Variants in GINM1 observed in about 807,000 individuals in gnomAD.
GINM1 encodes glycoprotein integral membrane protein 1.
A neutral mutation model predicts 37.8 loss-of-function variants in GINM1; 29 were observed. The observed-to-expected ratio is 0.77, with a 90% CI of 0.57 to 1.05. The LOEUF is 1.05. Ranked by LOEUF, GINM1 falls within the 50% of genes least tolerant of loss-of-function variation. The probability of loss-of-function intolerance (pLI) is 0.00; values close to 1 mark genes in which losing one functional copy is unlikely to be tolerated. For missense variants in GINM1, 377 were observed against 397.9 expected (o/e 0.95, Z 0.45); for synonymous variants, 143 against 146.2 (o/e 0.98, Z 0.16).
rs979781668 is a variant in GINM1 at position 149,578,704 on chromosome 6, C to A, written c.278-118C>A. On this transcript the variant is annotated intron_variant, in intron 3 of 7. Coordinates refer to ENST00000367419, the MANE Select transcript of GINM1 (RefSeq NM_138785.5). Reference sequence around the variant, plus strand: ...GCATTGAGGTCAGGGATGAAGAAAGCCAAAGAAATGGGTTTTCAACTGTCT... The same window carrying A: ...GCATTGAGGTCAGGGATGAAGAAAGACAAAGAAATGGGTTTTCAACTGTCT... 4 of 638,790 alleles carry A rather than the reference C, an allele frequency of 6.3e-6. No homozygotes were observed. In the Admixed American group the frequency reaches 1.0e-4, roughly 16 times the overall value. The allele number at this position is 638,790 out of a possible 1,614,324, so 39.6% of individuals were successfully genotyped here. A position where few individuals can be genotyped will look rare whatever the true frequency, so the allele number is the denominator to read the frequency against.
At chr6:149,570,135 T>TA (rs1777788904) in intron 1 of GINM1, among the ~76,000 whole-genome samples, 1 of 75,782 alleles carries the variant, frequency 1.3e-5, no homozygotes, top group African/African-American at 7.4e-5. Context: ...CTAGGTAGGT[T>TA]TTATATATAT....
chr6:149,579,085 A>C (rs1777959740), intron 4 of GINM1, 112 bp downstream of exon 4: 1 of 563,398 alleles, frequency 1.8e-6, no homozygotes, highest in South Asian at 3.9e-5. Context: ...GAAGGTGCCT[A>C]ATGTTGCCTA....
intron 3 of GINM1, among the ~76,000 whole-genome samples, chr6:149,573,380 A>C (rs1014580119): frequency 6.6e-6 from 1 of 152,136 alleles, no homozygotes; most frequent in African/African-American, 2.4e-5. Flanking sequence ...AGTGAGCTAT[A>C]ATCATGCCAC....
In GINM1 at chr6:149,566,569, A is replaced by T; in HGVS notation, c.120+35A>T. 6.9e-7 allele frequency: 1 copy of T among 1,455,670 alleles called. No homozygotes were observed. The highest frequency in any genetic ancestry group is 1.3e-5 in the South Asian group (1 of 75,870). 90.2% of individuals were successfully genotyped at this position (1,455,670 alleles called of 1,614,324 possible). ...GGCGGGCCTGGCTGGCCGCTTTACG[A>T]CTCCGACTCTCCGGGAGGCCCGGGC... On this transcript the variant is annotated intron_variant, in intron 1 of 7. Transcript: ENST00000367419. The surrounding 1 kb of genome is among the most constrained non-coding windows in gnomAD (Gnocchi z 4.4).
chr6:149,575,834 T>C (rs1777906104), intron 3 of GINM1, among the ~76,000 whole-genome samples: 1 of 152,158 alleles, frequency 6.6e-6, no homozygotes, highest in South Asian at 2.1e-4. Context: ...ATACAGCCTG[T>C]CTCCTCTCTT....
At chr6:149,572,016 G>T (rs1777830789) in intron 1 of GINM1, among the ~76,000 whole-genome samples, 1 of 152,090 alleles carries the variant, frequency 6.6e-6, no homozygotes, top group Non-Finnish European at 1.5e-5. Context: ...AGGAGATGGA[G>T]ATTGCAGTGA....
At position 149,579,712 on chromosome 6, in the gene GINM1, A is replaced by G. The variant is rs943867494; in HGVS notation, c.430-122A>G. ...CTCCATCTCAAAAAAAAAAAAAAAG[A>G]GTAATTGTCTGAATAGGACACATGT... On this transcript the variant is annotated intron_variant, in intron 4 of 7. Transcript: ENST00000367419. The G allele has an allele frequency of 1.5e-5, 8 of 522,292 alleles. No individual in the cohort carries two copies. The African/African-American group carries it at 1.6e-4, about 10-fold the overall frequency. The allele number at this position is 522,292 out of a possible 1,614,324, so 32.4% of individuals were successfully genotyped here. A position where few individuals can be genotyped will look rare whatever the true frequency, so the allele number is the denominator to read the frequency against.
chr6:149,579,787 G>T lies in GINM1; in HGVS notation c.430-47G>T, dbSNP rs546618392. ...AAATTTGCTTTTAAATTTTTATGGG[G>T]CTGTGCTACTATTTAAAATAAAGAA... is the stretch of plus-strand genomic sequence containing the variant. On this transcript the variant is annotated intron_variant, in intron 4 of 7. Transcript: ENST00000367419. 1.5e-5 allele frequency: 18 copies of T among 1,228,744 alleles called. No individual in the cohort carries two copies. In the African/African-American group the frequency reaches 2.5e-4, roughly 17 times the overall value. 76.1% of individuals were successfully genotyped at this position (1,228,744 alleles called of 1,614,324 possible).
intron 1 of GINM1, among the ~76,000 whole-genome samples, chr6:149,570,146 A>T (rs1220418327): frequency 2.4e-4 from 2 of 8,392 alleles, no homozygotes; most frequent in Non-Finnish European, 5.8e-4. Flanking sequence ...TTATATATAT[A>T]TATATATATA....
intron 6 of GINM1, 114 bp from the exon 7 acceptor site, chr6:149,582,326 C>T: frequency 1.1e-6 from 1 of 885,766 alleles, no homozygotes. Context: ...TAACTACCAG[C>T]ACAATCAAAA....
Position 149,566,411 on chromosome 6 carries a change from C to G in GINM1, c.-4C>G. On this transcript the variant is annotated 5_prime_UTR_variant, in exon 1 of 8. Coordinates refer to ENST00000367419, the MANE Select transcript of GINM1 (RefSeq NM_138785.5). This position sits in a 1 kb window ranked among gnomAD's most constrained non-coding sequence, Gnocchi z 4.4. Reference sequence around the variant, plus strand: ...GCGGCTGCCCTCTGCCCGGGTTGTCCAAGATGGAGGGCGCTCCACCGGGGT... The same window carrying G: ...GCGGCTGCCCTCTGCCCGGGTTGTCGAAGATGGAGGGCGCTCCACCGGGGT... 2.6e-6 allele frequency: 4 copies of G among 1,566,168 alleles called. No homozygotes were observed. Among genetic ancestry groups the G allele is most frequent in the East Asian group, 2.4e-5 (1 of 41,320 alleles).
chr6:149,581,239 T>C (rs1446234993), intron 6 of GINM1, among the ~76,000 whole-genome samples: 2 of 151,374 alleles, frequency 1.3e-5, no homozygotes, highest in African/African-American at 4.9e-5. Context: ...CTCGGCTTAC[T>C]CCTCCACCTC....
intron 1 of GINM1, among the ~76,000 whole-genome samples, chr6:149,569,018 A>ATT (rs965866346): frequency 6.7e-6 from 1 of 149,448 alleles, no homozygotes; most frequent in Non-Finnish European, 1.5e-5. Flanking sequence ...TTTTATTTTT[A>ATT]TTTTTTTATT....
Position 149,590,755 on chromosome 6 carries a change from G to A in GINM1, c.910G>A (p.Val304Ile), listed in dbSNP as rs376204256. ...KGILQLDKVD[V>I]IPVTAINLYP... ...AATTCTTCAGTTGGATAAAGTGGAC[G>A]TCATACCTGTGACAGCTATCAACTT... Residue 304 changes from valine to isoleucine, a missense_variant, in exon 8 of 8, where the codon GTC (valine) becomes ATC (isoleucine). Coordinates refer to ENST00000367419, the MANE Select transcript of GINM1 (RefSeq NM_138785.5). 3.0e-5 allele frequency: 47 copies of A among 1,590,066 alleles called. No individual in the cohort carries two copies. The highest frequency in any genetic ancestry group is 4.5e-5 in the East Asian group (2 of 44,786).
chr6:149,585,884 G>A (rs1387937535), intron 7 of GINM1, among the ~76,000 whole-genome samples: 2 of 152,150 alleles, frequency 1.3e-5, no homozygotes, highest in South Asian at 2.1e-4. Context: ...GAGCCACCGC[G>A]CCCAGCAATT....
chr6:149,573,824 CAA>C (rs879422654), intron 3 of GINM1, among the ~76,000 whole-genome samples: 1 of 126,976 alleles, frequency 7.9e-6, no homozygotes, highest in Non-Finnish European at 1.7e-5. Context: ...GACCCTGGCT[CAA>C]AAAAAAAAAA....
chr6:149,568,482 C>T (rs959217668), intron 1 of GINM1, among the ~76,000 whole-genome samples: 1 of 152,244 alleles, frequency 6.6e-6, no homozygotes, highest in South Asian at 2.1e-4. Context: ...TTGTGGGTAG[C>T]CACTAGACTG....
At position 149,579,890 on chromosome 6, in the gene GINM1, C is replaced by A. The variant is rs767257320; in HGVS notation, c.486C>A (p.Leu162=). The A allele has an allele frequency of 6.2e-7, 1 of 1,607,584 alleles. No homozygotes were observed. Among genetic ancestry groups the A allele is most frequent in the South Asian group, 1.1e-5 (1 of 90,550 alleles). ...IDILVKNRGV[L]RHSNYTLPLE... ...TTTTAGTTAAGAACCGGGGAGTACT[C>A]AGACATTCAAACTATACCCTCCCTT... The change falls in exon 5 of 8, where the codon CTC becomes CTA. Residue 162 remains leucine (L), a synonymous_variant. Coordinates refer to ENST00000367419, the MANE Select transcript of GINM1 (RefSeq NM_138785.5).
chr6:149,567,738 G>A (rs895650413), intron 1 of GINM1, among the ~76,000 whole-genome samples: 2 of 152,164 alleles, frequency 1.3e-5, no homozygotes, highest in African/African-American at 4.8e-5. Context: ...GTTCTGCAGG[G>A]CATTCCAAGA....
Sources: gnomAD v4.1 joint callset for allele counts (sites outside exome capture counted in the v4.1 genomes callset) on GRCh38, gnomAD v4.1.1 for gene constraint, Gnocchi (gnomAD v3.1) non-coding constraint, MANE v1.5 for transcripts, NCBI Gene and HGNC (gene_info 2026-07-23, HGNC 2026-07-21) for gene names.